Variants in PLEKHG7 observed in about 807,000 individuals in gnomAD.
The protein encoded by PLEKHG7 is pleckstrin homology and RhoGEF domain containing G7, also known as pleckstrin homology domain-containing family G member 7.
A neutral mutation model predicts 85.2 loss-of-function variants in PLEKHG7; 77 were observed. That is an observed-to-expected ratio of 0.90 (90% confidence interval 0.75 to 1.09). The LOEUF is 1.09. Among genes scored for constraint, PLEKHG7 ranks in the 50% least tolerant of loss-of-function variants. The pLI is 0.00. For missense variants in PLEKHG7, 777 were observed against 804.3 expected, an observed-to-expected ratio of 0.97 and a Z score of 0.41; for synonymous variants, 301 against 302.4, an observed-to-expected ratio of 1.00 and a Z score of 0.05.
In PLEKHG7 at chr12:92,745,527, A is replaced by T. The variant is rs149128225; in HGVS notation, c.1187A>T (p.Tyr396Phe). 10 of 1,614,042 alleles carry T rather than the reference A, an allele frequency of 6.2e-6. No individual in the cohort carries two copies. The East Asian group carries it at 1.1e-4, about 18-fold the overall frequency. The part of the protein sequence containing the change: ...CQSHQTYCLN[Y>F]SAAIFYLESL... The stretch of plus-strand genomic sequence containing the variant: ...AGCCACCAGACCTACTGCCTGAACT[A>T]TTCAGCTGCTATCTTTTATCTTGAG... Residue 396 changes from tyrosine to phenylalanine, a missense_variant, in exon 10 of 17, where the codon TAT becomes TTT. Physicochemically the swap from Tyr to Phe is conservative, Grantham distance 22. Transcript: ENST00000344636.
At chr12:92,737,612 AG>A in intron 7 of PLEKHG7, 91 bp downstream of exon 7, 1 of 1,274,960 alleles carries the variant, frequency 7.8e-7, no homozygotes, top group Admixed American at 2.2e-5. Flanking sequence ...AATAAAGAAA[AG>A]AAAGAGAGAA....
At chr12:92,725,515 G>A (rs1033759308) in intron 3 of PLEKHG7, among the ~76,000 whole-genome samples, 14 of 152,170 alleles carry the variant, frequency 9.2e-5, no homozygotes, top group African/African-American at 3.1e-4. Context: ...ATTGGAAGAT[G>A]TTGAGGCCCT....
At chr12:92,743,084 G>A (rs1872415900) in intron 9 of PLEKHG7, among the ~76,000 whole-genome samples, 1 of 152,166 alleles carries the variant, frequency 6.6e-6, no homozygotes, top group Non-Finnish European at 1.5e-5. Flanking sequence ...AGAGTCAGTT[G>A]TGCCACGGTA....
At chr12:92,718,860 A>G (rs184508412) in intron 3 of PLEKHG7, among the ~76,000 whole-genome samples, 4 of 152,288 alleles carry the variant, frequency 2.6e-5, no homozygotes, top group Admixed American at 2.6e-4. Flanking sequence ...CTCAAAAAAT[A>G]TTACTGATTT....
chr12:92,764,517 G>A (rs1305912690), intron 15 of PLEKHG7, among the ~76,000 whole-genome samples: 1 of 152,064 alleles, frequency 6.6e-6, no homozygotes, highest in African/African-American at 2.4e-5. Flanking sequence ...ATAAATGATA[G>A]TTGCTACTGG....
At chr12:92,761,662 GAAAGAAAGAA>G (rs1242676082) in intron 13 of PLEKHG7, 80 bp from the exon 14 acceptor site, 3 of 1,330,092 alleles carry the variant, frequency 2.3e-6, no homozygotes, top group Non-Finnish European at 2.9e-6. Flanking sequence ...AAGAAAGAAA[GAAAGAAAGAA>G]AGAAAGAAAG....
intron 1 of PLEKHG7, among the ~76,000 whole-genome samples, chr12:92,703,875 A>G (rs542341455): frequency 1.2e-4 from 19 of 152,358 alleles, no homozygotes; most frequent in African/African-American, 4.6e-4. Flanking sequence ...GAACGACTAC[A>G]AAGGAAACCC....
chr12:92,755,647 C>T lies in PLEKHG7; in HGVS notation c.1427-178C>T, dbSNP rs114397926. The stretch of plus-strand genomic sequence containing the variant: ...ATTTTTCTCTGCAAGAGACTGATTC[C>T]AAATTAGTGAGTTTTCTAAGACGCA... On this transcript the variant is annotated intron_variant, in intron 11 of 16. Transcript: ENST00000344636. 3.4e-3 allele frequency among the ~76,000 whole-genome samples: 512 copies of T among 152,218 alleles called. 3 individuals are homozygous for T. Among genetic ancestry groups the T allele is most frequent in the African/African-American group, 0.012 (502 of 41,526 alleles).
intron 3 of PLEKHG7, among the ~76,000 whole-genome samples, chr12:92,713,722 C>A (rs1871409400): frequency 6.6e-6 from 1 of 152,188 alleles, no homozygotes; most frequent in Admixed American, 6.5e-5. Flanking sequence ...CTAATCCACT[C>A]CACCATCCCA....
intron 11 of PLEKHG7, among the ~76,000 whole-genome samples, chr12:92,754,848 G>A (rs888502362): frequency 6.6e-6 from 1 of 152,046 alleles, no homozygotes; most frequent in African/African-American, 2.4e-5. Flanking sequence ...TTCCTCGTGG[G>A]CATCAGAAGG....
At chr12:92,711,824 G>A (rs917750083) in intron 3 of PLEKHG7, among the ~76,000 whole-genome samples, 1 of 152,182 alleles carries the variant, frequency 6.6e-6, no homozygotes, top group Non-Finnish European at 1.5e-5. Flanking sequence ...TGGACCTGTT[G>A]CAGAGCCTTC....
At chr12:92,735,706 T>C (rs904146592) in intron 5 of PLEKHG7, among the ~76,000 whole-genome samples, 3 of 152,194 alleles carry the variant, frequency 2.0e-5, no homozygotes, top group Admixed American at 1.3e-4. Flanking sequence ...AAAGAAAATG[T>C]TCACAATATA....
intron 13 of PLEKHG7, among the ~76,000 whole-genome samples, chr12:92,761,176 G>C (rs769219481): frequency 3.9e-5 from 6 of 152,184 alleles, no homozygotes; most frequent in Admixed American, 1.3e-4. Context: ...TGAAATTTGA[G>C]TGACACAATA....
intron 10 of PLEKHG7, among the ~76,000 whole-genome samples, chr12:92,750,906 C>G (rs959180715): frequency 6.6e-6 from 1 of 151,858 alleles, no homozygotes; most frequent in East Asian, 1.9e-4. Context: ...GACCACTGCA[C>G]TTAGCCTGGG....
chr12:92,755,743 T>C lies in PLEKHG7; in HGVS notation c.1427-82T>C, dbSNP rs570565732. The C allele has an allele frequency of 1.6e-4, 142 of 912,436 alleles. 2 individuals carry two copies. In the South Asian group the frequency reaches 1.9e-3, roughly 12 times the overall value. The allele number at this position is 912,436 out of a possible 1,614,324, so 56.5% of individuals were successfully genotyped here. A position where few individuals can be genotyped will look rare whatever the true frequency, so the allele number is the denominator to read the frequency against. ...TCCAGGGGCAGCCAGTGTTTCTAAA[T>C]GATTCCTGTGGACCTTGGTTAAAAT... is the stretch of plus-strand genomic sequence containing the variant. On this transcript the variant is annotated intron_variant, in intron 11 of 16. Transcript: ENST00000344636.
chr12:92,721,713 A>G (rs968981887), intron 3 of PLEKHG7, among the ~76,000 whole-genome samples: 115 of 151,238 alleles, frequency 7.6e-4, no homozygotes, highest in Non-Finnish European at 1.3e-3. Flanking sequence ...AAAAAAAAAA[A>G]AAAAAAAAAA....
At chr12:92,733,934 C>G (rs1227157992) in intron 5 of PLEKHG7, among the ~76,000 whole-genome samples, 6 of 152,120 alleles carry the variant, frequency 3.9e-5, no homozygotes, top group Non-Finnish European at 5.9e-5. Context: ...ATGGGACTGA[C>G]AAGTAAACTG....
chr12:92,747,657 T>C (rs1310986265), intron 10 of PLEKHG7, among the ~76,000 whole-genome samples: 1 of 152,224 alleles, frequency 6.6e-6, no homozygotes, highest in Non-Finnish European at 1.5e-5. Context: ...AGAATCAATC[T>C]AGTGTTCATC....
chr12:92,707,084 G>A lies in PLEKHG7; in HGVS notation c.453G>A (p.Arg151=), dbSNP rs1262678441. ...NEGSLHQASL[R]QQEGHFLPSP... ...GGTCCCTTCACCAGGCCTCTCTTCG[G>A]CAGCAAGAAGGCCACTTCCTGCCCA... The change falls in exon 2 of 17, where the codon CGG becomes CGA. Residue 151 remains arginine (R), a synonymous_variant. Coordinates refer to ENST00000344636, the MANE Select transcript of PLEKHG7 (RefSeq NM_001377329.1). The A allele has an allele frequency of 6.2e-7, 1 of 1,613,986 alleles. No homozygotes were observed. Among genetic ancestry groups the A allele is most frequent in the Middle Eastern group, 1.6e-4 (1 of 6,062 alleles).
Sources: gnomAD v4.1 joint callset for allele counts (sites outside exome capture counted in the v4.1 genomes callset) on GRCh38, gnomAD v4.1.1 for gene constraint, MANE v1.5 for transcripts, NCBI Gene and HGNC (gene_info 2026-07-23, HGNC 2026-07-21) for gene names.